The following KCNN2 variants were observed in gnomAD, a reference collection of about 807,000 sequenced individuals.
The protein encoded by KCNN2 is small conductance calcium-activated potassium channel protein 2.
Under a neutral mutation model 55.5 loss-of-function variants are expected in KCNN2, and 24 were observed. The ratio of observed to expected loss-of-function variants is 0.43; its 90% CI spans 0.31 to 0.61. The LOEUF (loss-of-function observed/expected upper bound fraction) is 0.61. Among genes scored for constraint, KCNN2 ranks in the 20% least tolerant of loss-of-function variants. KCNN2 has a pLI of 0.08. For missense variants in KCNN2, 754 were observed against 853.6 expected, an observed-to-expected ratio of 0.88 and a Z score of 1.45; for synonymous variants, 431 against 336.1, an observed-to-expected ratio of 1.28 and a Z score of -3.09.
At chr5:114,330,896 CA>C (rs1320812618) in intron 2 of KCNN2, among the ~76,000 whole-genome samples, 5 of 151,412 alleles carry the variant, frequency 3.3e-5, no homozygotes, top group Non-Finnish European at 7.4e-5. Flanking sequence ...CAACTGAATG[CA>C]AAAAAAATTA....
At chr5:114,460,153 TTTGTTTA>T (rs546506500) in intron 3 of KCNN2, among the ~76,000 whole-genome samples, 1 of 152,160 alleles carries the variant, frequency 6.6e-6, no homozygotes, top group Non-Finnish European at 1.5e-5. Flanking sequence ...CCTAGAAATC[TTTGTTTA>T]TCGTATGAAA....
In KCNN2 at chr5:114,382,214, A is replaced by G. The variant is rs868381027; in HGVS notation, c.1218+18213A>G. ...TTTACCGTTACTATTCTGCAGTGCA[A>G]TCCTTGCCTTCAAGAGCTGTTAAAA... On this transcript the variant is annotated intron_variant, in intron 2 of 7. Transcript: ENST00000673685. Among the ~76,000 whole-genome samples, 3 of 152,194 alleles carry G rather than the reference A, an allele frequency of 2.0e-5. No individual in the cohort carries two copies. In the South Asian group the frequency reaches 6.2e-4, roughly 32 times the overall value.
intron 2 of KCNN2, among the ~76,000 whole-genome samples, chr5:114,329,350 C>T (rs1756766508): frequency 6.6e-6 from 1 of 152,168 alleles, no homozygotes; most frequent in South Asian, 2.1e-4. Flanking sequence ...GGCAGACCCA[C>T]CCTCAATCTG....
intron 1 of KCNN2, among the ~76,000 whole-genome samples, chr5:114,217,291 C>T (rs891851746): frequency 1.2e-4 from 19 of 152,086 alleles, no homozygotes; most frequent in Middle Eastern, 3.4e-3. Context: ...CCCACAACAG[C>T]CAACACAATA....
intron 2 of KCNN2, among the ~76,000 whole-genome samples, chr5:114,241,814 ATATATGTGTG>A (rs1315605124): frequency 0.014 from 430 of 31,580 alleles, 91 homozygotes; most frequent in East Asian, 0.03. Flanking sequence ...ACGTATATAT[ATATATGTGTG>A]TATATATATA....
chr5:114,477,288 GT>G (rs776992398), intron 5 of KCNN2, among the ~76,000 whole-genome samples: 207 of 152,258 alleles, frequency 1.4e-3, no homozygotes, highest in Middle Eastern at 6.8e-3. Context: ...AAGTCTTCCA[GT>G]TTGTATCTTT....
At chr5:114,262,745 G>C (rs1255212199) in intron 2 of KCNN2, among the ~76,000 whole-genome samples, 1 of 152,124 alleles carries the variant, frequency 6.6e-6, no homozygotes. Context: ...ACCTTCAGTA[G>C]ATAGGATGCT....
At chr5:114,346,924 G>GA (rs1757117047) in intron 2 of KCNN2, among the ~76,000 whole-genome samples, 1 of 152,098 alleles carries the variant, frequency 6.6e-6, no homozygotes, top group Admixed American at 6.5e-5. Context: ...AGGACACAGG[G>GA]GCCAACCTGA....
At chr5:114,456,718 G>T (rs1445510487) in intron 3 of KCNN2, among the ~76,000 whole-genome samples, 1 of 152,192 alleles carries the variant, frequency 6.6e-6, no homozygotes, top group Admixed American at 6.5e-5. Flanking sequence ...ACAGGAGTTT[G>T]GAAGAAGTTG....
chr5:114,067,833 G>A (rs1276004350), intron 1 of KCNN2, among the ~76,000 whole-genome samples: 1 of 152,078 alleles, frequency 6.6e-6, no homozygotes, highest in Non-Finnish European at 1.5e-5. Flanking sequence ...GCCTTCACTT[G>A]CATAATATTA....
chr5:114,098,999 C>G (rs764121460), intron 1 of KCNN2, among the ~76,000 whole-genome samples: 1 of 152,074 alleles, frequency 6.6e-6, no homozygotes, highest in Non-Finnish European at 1.5e-5. Context: ...TTGTATAACA[C>G]AAAACATTTA....
chr5:114,448,326 A>C (rs1486799429), intron 3 of KCNN2, among the ~76,000 whole-genome samples: 1 of 152,116 alleles, frequency 6.6e-6, no homozygotes, highest in Non-Finnish European at 1.5e-5. Context: ...TTTATGGAGT[A>C]GGGGACTGGT....
At chr5:114,115,601 A>T (rs968181784) in intron 1 of KCNN2, among the ~76,000 whole-genome samples, 4 of 152,048 alleles carry the variant, frequency 2.6e-5, no homozygotes, top group Non-Finnish European at 5.9e-5. Flanking sequence ...ACTTCCAAAG[A>T]TTTGACACTT....
intron 1 of KCNN2, among the ~76,000 whole-genome samples, chr5:114,135,229 G>T (rs1237665930): frequency 6.6e-6 from 1 of 152,076 alleles, no homozygotes; most frequent in African/African-American, 2.4e-5. Flanking sequence ...TGAGGGTGAA[G>T]GTGGAGATAA....
chr5:114,122,491 C>T (rs569494568), intron 1 of KCNN2, among the ~76,000 whole-genome samples: 1 of 152,236 alleles, frequency 6.6e-6, no homozygotes, highest in East Asian at 1.9e-4. Flanking sequence ...CTTATACGAG[C>T]CCATGAATTC....
chr5:114,186,294 T>C (rs77166518), intron 1 of KCNN2, among the ~76,000 whole-genome samples: 2,023 of 152,274 alleles, frequency 0.013, 40 homozygotes, highest in African/African-American at 0.046. Context: ...AGATGTAAAA[T>C]TGTTGAATCA....
At chr5:114,081,974 A>T (rs1298141271) in intron 1 of KCNN2, among the ~76,000 whole-genome samples, 2 of 152,166 alleles carry the variant, frequency 1.3e-5, no homozygotes, top group African/African-American at 4.8e-5. Context: ...TCCAAAGAAG[A>T]TATAAAAATG....
intron 2 of KCNN2, among the ~76,000 whole-genome samples, chr5:114,321,651 GT>G (rs57707854): frequency 0.25 from 37,642 of 148,758 alleles, 5,124 homozygotes; most frequent in African/African-American, 0.35. Context: ...CACTGGATTT[GT>G]TTTTTTTTTT....
In KCNN2 at chr5:114,493,484, G is replaced by A. The variant is rs778219050; in HGVS notation, c.2088+12G>A. 9 of 1,593,742 alleles carry A rather than the reference G, an allele frequency of 5.6e-6. No homozygotes were observed. Among genetic ancestry groups the A allele is most frequent in the Non-Finnish European group, 7.7e-6 (9 of 1,161,798 alleles). On this transcript the variant is annotated intron_variant, in intron 7 of 7. Transcript: ENST00000673685. ...TGGACTTGGCAAAGGTAAGCCTGAGGTGCTTAGCCCTCCTAGTTGCATCTG... is the reference window on the plus strand; with the variant it reads ...TGGACTTGGCAAAGGTAAGCCTGAGATGCTTAGCCCTCCTAGTTGCATCTG...
Sources: allele counts gnomAD v4.1 joint callset (sites outside exome capture counted in the v4.1 genomes callset), GRCh38; gene constraint gnomAD v4.1.1; transcripts MANE v1.5; gene names NCBI Gene and HGNC (gene_info 2026-07-23, HGNC 2026-07-21).